Variants in FBXO11 observed in about 807,000 individuals in gnomAD.
FBXO11 encodes the protein F-box only protein 11.
A neutral mutation model predicts 117.0 loss-of-function variants in FBXO11; 13 were observed. The ratio of observed to expected loss-of-function variants is 0.11; its 90% CI spans 0.07 to 0.18. FBXO11 has a LOEUF of 0.18. FBXO11 is among the 10% of genes least tolerant of loss of function. The pLI is 1.00. For synonymous variants in FBXO11, 490 were observed against 380.5 expected (o/e 1.29, Z -3.35); for missense variants, 767 against 1,164.4 (o/e 0.66, Z 4.97).
In FBXO11 at chr2:47,814,241, A is replaced by T. The variant is rs1035603934; in HGVS notation, c.2007-374T>A. ...GTATTGCAATAAAGAGAGTCGCATC[A>T]ATTTTTTGGTTTACATTATACTGTA... On this transcript the variant is annotated intron_variant, in intron 16 of 22. Transcript: ENST00000403359. 2.1e-5 allele frequency: 4 copies of T among 188,680 alleles called. No individual in the cohort carries two copies. The South Asian group carries it at 4.3e-4, about 20-fold the overall frequency. The allele number at this position is 188,680 out of a possible 1,614,324, so 11.7% of individuals were successfully genotyped here.
chr2:47,842,994 C>T (rs1673126810), intron 1 of FBXO11, among the ~76,000 whole-genome samples: 1 of 152,140 alleles, frequency 6.6e-6, no homozygotes. Flanking sequence ...CCATGTTGTG[C>T]AGGCTAGTCT....
At chr2:47,886,610 A>T (rs576473640) in intron 1 of FBXO11, among the ~76,000 whole-genome samples, 2 of 152,198 alleles carry the variant, frequency 1.3e-5, no homozygotes, top group Non-Finnish European at 2.9e-5. Flanking sequence ...ACAAGAATTT[A>T]AATGTTAACA....
chr2:47,862,632 T>C (rs1674864675), intron 1 of FBXO11, among the ~76,000 whole-genome samples: 1 of 152,142 alleles, frequency 6.6e-6, no homozygotes, highest in Non-Finnish European at 1.5e-5. Flanking sequence ...AATCTCAAAA[T>C]ATGCACAATG....
At chr2:47,833,103 T>G in intron 7 of FBXO11, 33 bp from the exon 8 acceptor site, 1 of 1,441,088 alleles carries the variant, frequency 6.9e-7, no homozygotes, top group Non-Finnish European at 9.7e-7. Flanking sequence ...AATATTACCT[T>G]TATTCGATTT....
intron 1 of FBXO11, among the ~76,000 whole-genome samples, chr2:47,879,227 T>C (rs1558467316): frequency 1.3e-5 from 2 of 152,240 alleles, no homozygotes; most frequent in East Asian, 1.9e-4. Context: ...TCTCACCTTC[T>C]GCTATTACAG....
At position 47,842,724 on chromosome 2, in the gene FBXO11, T is replaced by A. The variant is rs1021164841; in HGVS notation, c.233-2955A>T. 2.6e-5 allele frequency among the ~76,000 whole-genome samples: 4 copies of A among 151,750 alleles called. No individual in the cohort carries two copies. The East Asian group carries it at 5.8e-4, about 22-fold the overall frequency. ...AATTACTATTATTTCATTTAAATAT[T>A]ATTCGATTAACATCACTTTCAAATG... On this transcript the variant is annotated intron_variant, in intron 1 of 22. Coordinates refer to ENST00000403359, the MANE Select transcript of FBXO11 (RefSeq NM_001190274.2).
rs959012951 is a variant in FBXO11 at position 47,888,458 on chromosome 2, ATCT to A, written c.232+17028_232+17030del. Among the ~76,000 whole-genome samples, 12 of 152,322 alleles carry A rather than the reference ATCT, an allele frequency of 7.9e-5. No individual in the cohort carries two copies. The East Asian group carries it at 1.9e-3, about 24-fold the overall frequency. On this transcript the variant is annotated intron_variant, in intron 1 of 22. Coordinates refer to ENST00000403359, the MANE Select transcript of FBXO11 (RefSeq NM_001190274.2). ...CTGACACCAAAAAAGAAAGGATGTAATCTTCTTTAGTGGACCATTTTAGAATTT... is the reference window on the plus strand; with the variant it reads ...CTGACACCAAAAAAGAAAGGATGTAATCTTTAGTGGACCATTTTAGAATTT...
intron 1 of FBXO11, among the ~76,000 whole-genome samples, chr2:47,886,275 G>C (rs1009721849): frequency 2.0e-5 from 3 of 152,112 alleles, no homozygotes; most frequent in Non-Finnish European, 4.4e-5. Flanking sequence ...GGGAGGCCGA[G>C]GCAGGCAGAT....
In FBXO11 at chr2:47,888,601, C is replaced by G. The variant is rs547276757; in HGVS notation, c.232+16888G>C. 71 of 838,404 alleles carry G rather than the reference C, an allele frequency of 8.5e-5. No homozygotes were observed. In the South Asian group the frequency reaches 3.7e-3, roughly 43 times the overall value. The allele number at this position is 838,404 out of a possible 1,614,324, so 51.9% of individuals were successfully genotyped here. On this transcript the variant is annotated intron_variant, in intron 1 of 22. Transcript: ENST00000403359. Reference sequence around the variant, plus strand: ...ACCTTTTTCTTTTAAAAATTACTTTCAACCACTCTGAAAGGTTAACTTACT... The same window carrying G: ...ACCTTTTTCTTTTAAAAATTACTTTGAACCACTCTGAAAGGTTAACTTACT...
intron 1 of FBXO11, chr2:47,905,222 T>G (rs1010688943): frequency 8.6e-6 from 2 of 233,482 alleles, no homozygotes; most frequent in Non-Finnish European, 1.6e-5. Context: ...AAGGGATGGG[T>G]GGGGGTGGAG....
intron 11 of FBXO11, among the ~76,000 whole-genome samples, chr2:47,827,285 G>C (rs532749313): frequency 6.6e-6 from 1 of 152,126 alleles, no homozygotes; most frequent in East Asian, 1.9e-4. Flanking sequence ...TTCAGTTAAT[G>C]TAATTTTGCT....
chr2:47,809,397 A>G, intron 20 of FBXO11, 131 bp from the exon 21 acceptor site: 2 of 689,124 alleles, frequency 2.9e-6, no homozygotes, highest in Non-Finnish European at 4.8e-6. Flanking sequence ...CAATGAAGTA[A>G]TTGTAAGAAA....
rs772698390 is a variant in FBXO11, at chr2:47,835,969, G to T, written c.620C>A (p.Thr207Asn). Residue 207 changes from threonine (T) to asparagine (N), a missense_variant, in exon 5 of 23, where the codon ACT becomes AAT. This residue lies in a region of FBXO11 where 355 missense variants were observed against 299.8 expected (regional missense o/e 1.18). Coordinates refer to ENST00000403359, the MANE Select transcript of FBXO11 (RefSeq NM_001190274.2). ...KRLYMEVFEY[T>N]RPMMHPEPGK... ...AGGTTCAGGATGCATCATAGGGCGA[G>T]TATATTCAAATACTTCCATATATAA... 1.9e-6 allele frequency: 3 copies of T among 1,609,912 alleles called. No homozygotes were observed. The highest frequency in any genetic ancestry group is 2.2e-5 in the South Asian group (2 of 90,606).
At chr2:47,844,308 T>C (rs1673238490) in intron 1 of FBXO11, among the ~76,000 whole-genome samples, 1 of 152,238 alleles carries the variant, frequency 6.6e-6, no homozygotes, top group Non-Finnish European at 1.5e-5. Context: ...GACTTTGTTC[T>C]TGAGTGAGCA....
rs535017411 is a variant in FBXO11 at position 47,822,320 on chromosome 2, TA to T, written c.1617-18del. 2.3e-4 allele frequency: 350 copies of T among 1,490,776 alleles called. No individual in the cohort carries two copies. The highest frequency in any genetic ancestry group is 4.8e-4 in the Admixed American group (23 of 47,666). The allele number at this position is 1,490,776 out of a possible 1,614,324, so 92.3% of individuals were successfully genotyped here. ...GAATTTCCCCTATAATTATGCGAAATAAAAAAAAAGAAGACATCTATTCAGC... is the reference window on the plus strand; with the variant it reads ...GAATTTCCCCTATAATTATGCGAAATAAAAAAAAGAAGACATCTATTCAGC... On this transcript the variant is annotated intron_variant, in intron 12 of 22. Coordinates refer to ENST00000403359, the MANE Select transcript of FBXO11 (RefSeq NM_001190274.2).
intron 1 of FBXO11, among the ~76,000 whole-genome samples, chr2:47,900,110 C>T (rs1224804056): frequency 3.3e-5 from 5 of 152,098 alleles, no homozygotes; most frequent in South Asian, 2.1e-4. Flanking sequence ...GATAAGAGCT[C>T]TTAGGCCTTA....
In FBXO11 at chr2:47,808,017, GTCTCT is replaced by G. The variant is rs1301736629; in HGVS notation, c.*96_*100del. 26 of 1,077,120 alleles carry G rather than the reference GTCTCT, an allele frequency of 2.4e-5. No individual in the cohort carries two copies. Among genetic ancestry groups the G allele is most frequent in the Middle Eastern group, 2.9e-4 (1 of 3,446 alleles). 66.7% of individuals were successfully genotyped at this position (1,077,120 alleles called of 1,614,324 possible). On this transcript the variant is annotated 3_prime_UTR_variant, in exon 23 of 23. Transcript: ENST00000403359. The stretch of plus-strand genomic sequence containing the variant: ...ACCTTGTGTATCCATTTTTAATACA[GTCTCT>G]TCCTGTAGCATGGGCAAATATTTTA...
chr2:47,900,636 GTAC>G (rs1678080307), intron 1 of FBXO11, among the ~76,000 whole-genome samples: 1 of 21,504 alleles, frequency 4.7e-5, no homozygotes, highest in African/African-American at 1.7e-4. Flanking sequence ...ATACACACAC[GTAC>G]GTATATACAC....
intron 1 of FBXO11, among the ~76,000 whole-genome samples, chr2:47,893,216 C>G (rs994295165): frequency 6.7e-6 from 1 of 149,160 alleles, no homozygotes; most frequent in African/African-American, 2.4e-5. Flanking sequence ...CCGTGGGGGT[C>G]AAAACAAGCC....
Sources: allele counts gnomAD v4.1 joint callset (sites outside exome capture counted in the v4.1 genomes callset), GRCh38; gene constraint gnomAD v4.1.1; regional missense constraint gnomAD v4.1.1; transcripts MANE v1.5; gene names NCBI Gene and HGNC (gene_info 2026-07-23, HGNC 2026-07-21).